Variants in GATAD2A observed in about 807,000 individuals in gnomAD.
The protein encoded by GATAD2A is transcriptional repressor p66-alpha.
GATAD2A carries 12 observed loss-of-function variants against 68.5 expected under a neutral mutation model. The ratio of observed to expected loss-of-function variants is 0.18; its 90% CI spans 0.11 to 0.28. The LOEUF (loss-of-function observed/expected upper bound fraction) is 0.28, where lower values mean the gene tolerates loss of function less well. GATAD2A is among the 10% of genes least tolerant of loss of function. GATAD2A has a pLI of 1.00. For synonymous variants in GATAD2A, 410 were observed against 375.3 expected (o/e 1.09, Z -1.07); for missense variants, 755 against 868.5 (o/e 0.87, Z 1.64).
chr19:19,491,914 C>T (rs1299952732), intron 2 of GATAD2A, among the ~76,000 whole-genome samples: 2 of 152,230 alleles, frequency 1.3e-5, no homozygotes, highest in Non-Finnish European at 2.9e-5. Flanking sequence ...ATGCTCAAGC[C>T]CCCACAATGG....
chr19:19,418,081 T>C (rs1321095803), intron 1 of GATAD2A, among the ~76,000 whole-genome samples: 2 of 152,174 alleles, frequency 1.3e-5, no homozygotes, highest in Non-Finnish European at 2.9e-5. Context: ...ACATAGGCCC[T>C]CAGATTGTGG....
chr19:19,457,204 C>T (rs974340612), intron 1 of GATAD2A: 1 of 985,424 alleles, frequency 1.0e-6, no homozygotes. Flanking sequence ...AGGTGTTGTA[C>T]CTGCTGTCAC....
At chr19:19,416,661 A>G (rs1340190288) in intron 1 of GATAD2A, among the ~76,000 whole-genome samples, 1 of 152,126 alleles carries the variant, frequency 6.6e-6, no homozygotes, top group Non-Finnish European at 1.5e-5. Context: ...TTATTGCATT[A>G]GGGAAAAGAA....
At chr19:19,452,242 C>CT (rs2056466997) in intron 1 of GATAD2A, among the ~76,000 whole-genome samples, 2 of 152,292 alleles carry the variant, frequency 1.3e-5, no homozygotes, top group Admixed American at 6.5e-5. Flanking sequence ...CCATGTGTTC[C>CT]TTGTCCCCTT....
At chr19:19,400,694 TTTTCC>T (rs1170911772), upstream of GATAD2A, among the ~76,000 whole-genome samples, 2 of 152,178 alleles carry the variant, frequency 1.3e-5, no homozygotes, top group East Asian at 3.8e-4. Flanking sequence ...TTTTCTTTTC[TTTTCC>T]TTTCCCAGCC....
chr19:19,387,101 C>T (rs1224145739), intron 1 of GATAD2A, among the ~76,000 whole-genome samples: 1 of 152,008 alleles, frequency 6.6e-6, no homozygotes, highest in African/African-American at 2.4e-5. Flanking sequence ...TCTCTAAGAC[C>T]CTATCCTCAC....
At chr19:19,407,848 G>A (rs1410255088) in intron 1 of GATAD2A, among the ~76,000 whole-genome samples, 3 of 152,160 alleles carry the variant, frequency 2.0e-5, no homozygotes, top group Non-Finnish European at 2.9e-5. Context: ...ATTTGCAAGG[G>A]ATTTTCTGTA....
intron 1 of GATAD2A, among the ~76,000 whole-genome samples, chr19:19,439,196 A>G (rs781268227): frequency 8.5e-5 from 13 of 152,246 alleles, no homozygotes; most frequent in Non-Finnish European, 1.3e-4. Flanking sequence ...TTATGGGCAC[A>G]GGGGCAGTCT....
chr19:19,447,524 G>A (rs938109187), intron 1 of GATAD2A, among the ~76,000 whole-genome samples: 29 of 152,226 alleles, frequency 1.9e-4, no homozygotes, highest in Non-Finnish European at 4.0e-4. Context: ...ACCCCTGAGG[G>A]GAAGAGTTCC....
rs1396379921 is a variant in GATAD2A at position 19,441,177 on chromosome 19, G to A, written c.-6-24163G>A. ...CCTGCTTCAGCCTCCCGAGTAGTTG[G>A]GATTACAGGCGCCCGCCACCATGCC... On this transcript the variant is annotated intron_variant, in intron 1 of 11. Coordinates refer to ENST00000683918, the MANE Select transcript of GATAD2A (RefSeq NM_001384528.1). Among the ~76,000 whole-genome samples the A allele has an allele frequency of 2.0e-5, 3 of 151,830 alleles. No homozygotes were observed. In the East Asian group the frequency reaches 5.8e-4, roughly 30 times the overall value.
intron 1 of GATAD2A, among the ~76,000 whole-genome samples, chr19:19,414,226 T>A (rs763373189): frequency 3.9e-5 from 6 of 152,188 alleles, no homozygotes; most frequent in Non-Finnish European, 8.8e-5. Flanking sequence ...AATATAACTA[T>A]TTTTGGGAGT....
chr19:19,419,510 CTTTTTTTT>C (rs57019208), intron 1 of GATAD2A, among the ~76,000 whole-genome samples: 1 of 110,612 alleles, frequency 9.0e-6, no homozygotes, highest in African/African-American at 3.6e-5. Flanking sequence ...ATCTCTACAT[CTTTTTTTT>C]TTTTTTTTTT....
Position 19,479,968 on chromosome 19 carries a change from G to A in GATAD2A, c.270-12338G>A, listed in dbSNP as rs1329627165. Among the ~76,000 whole-genome samples, 3 of 151,270 alleles carry A rather than the reference G, an allele frequency of 2.0e-5. No homozygotes were observed. In the Admixed American group the frequency reaches 2.0e-4, roughly 10 times the overall value. ...TTCTCCTGCCTTAGCCTTGTGAGTA[G>A]CTGGGATTACAGGCACTTTAGAGAA... On this transcript the variant is annotated intron_variant, in intron 2 of 11. Transcript: ENST00000683918.
chr19:19,478,025 G>C (rs1172873798), intron 2 of GATAD2A, among the ~76,000 whole-genome samples: 2 of 152,188 alleles, frequency 1.3e-5, no homozygotes, highest in African/African-American at 4.8e-5. Flanking sequence ...GATTAAATAG[G>C]TTTTATAAGC....
chr19:19,434,199 C>T (rs2054066277), intron 1 of GATAD2A, among the ~76,000 whole-genome samples: 1 of 152,098 alleles, frequency 6.6e-6, no homozygotes, highest in Admixed American at 6.6e-5. Flanking sequence ...TGTGTAGAAA[C>T]ACAGCTGATT....
chr19:19,497,387 C>T (rs1332848535), intron 7 of GATAD2A, among the ~76,000 whole-genome samples: 1 of 152,250 alleles, frequency 6.6e-6, no homozygotes, highest in African/African-American at 2.4e-5. Flanking sequence ...TGAGCCACCA[C>T]ATCCTGCCCA....
intron 2 of GATAD2A, among the ~76,000 whole-genome samples, chr19:19,482,496 C>T (rs540299884): frequency 6.6e-6 from 1 of 152,322 alleles, no homozygotes; most frequent in South Asian, 2.1e-4. Context: ...AGGGTTCCCC[C>T]AGGGTCCTGG....
chr19:19,455,923 G>C (rs1046911173), intron 1 of GATAD2A, among the ~76,000 whole-genome samples: 2 of 152,206 alleles, frequency 1.3e-5, no homozygotes, highest in Non-Finnish European at 2.9e-5. Context: ...GGCTGAGGCA[G>C]GCGGATCACG....
chr19:19,503,555 T>G (rs540740281), intron 11 of GATAD2A, among the ~76,000 whole-genome samples: 1 of 152,238 alleles, frequency 6.6e-6, no homozygotes, highest in East Asian at 1.9e-4. Flanking sequence ...GGTCAGAAAT[T>G]ACTCTTGTGG....
Sources: allele counts gnomAD v4.1 joint callset (sites outside exome capture counted in the v4.1 genomes callset), GRCh38; gene constraint gnomAD v4.1.1; transcripts MANE v1.5; gene names NCBI Gene and HGNC (gene_info 2026-07-23, HGNC 2026-07-21).